BAIAP2L2: variants seen among roughly 807,000 people sequenced by gnomAD.
BAIAP2L2 encodes BAR/IMD domain containing adaptor protein 2 like 2.
Under a neutral mutation model 60.4 loss-of-function variants are expected in BAIAP2L2, and 65 were observed. The observed-to-expected ratio is 1.08, with a 90% confidence interval of 0.88 to 1.32. BAIAP2L2 has a LOEUF of 1.32. Ranked by LOEUF, BAIAP2L2 falls within the 40% of genes most tolerant of loss-of-function variation. BAIAP2L2 has a pLI of 0.00. For missense variants in BAIAP2L2, 836 were observed against 741.2 expected (o/e 1.13, Z -1.48); for synonymous variants, 344 against 301.7 (o/e 1.14, Z -1.45).
rs2145947194 is a variant in BAIAP2L2, at chr22:38,089,205, G to A, written c.792C>T (p.Ser264=). The change falls in exon 9 of 14, where the codon AGC becomes AGT. Residue 264 remains serine (S), a synonymous_variant. Transcript: ENST00000381669. ...CGGAGCCGTGCCGGCTGCGGGGGGA[G>A]CTGAACTCTCCCAGGGGCCTCGGGG... ...DMPPRPLGEF[S]SPRSRHGSGS... The A allele has an allele frequency of 8.2e-7, 1 of 1,213,262 alleles. No homozygotes were observed. Among genetic ancestry groups the A allele is most frequent in the Non-Finnish European group, 1.0e-6 (1 of 973,164 alleles). 75.2% of individuals were successfully genotyped at this position (1,213,262 alleles called of 1,614,324 possible). A position where few individuals can be genotyped will look rare whatever the true frequency, so the allele number is the denominator to read the frequency against.
intron 8 of BAIAP2L2, 50 bp downstream of exon 8, chr22:38,089,472 G>A (rs1162056858): frequency 1.1e-5 from 12 of 1,103,976 alleles, no homozygotes; most frequent in Middle Eastern, 3.6e-4. Context: ...CCGGGCCCCC[G>A]CGGGGGGCGG....
chr22:38,094,711 G>T (rs1009017254), intron 7 of BAIAP2L2, among the ~76,000 whole-genome samples: 5 of 152,192 alleles, frequency 3.3e-5, no homozygotes, highest in African/African-American at 1.2e-4. Flanking sequence ...TGAGCCTGGG[G>T]CCGGGTGAGG....
At chr22:38,098,035 GC>G in intron 6 of BAIAP2L2, 27 bp downstream of exon 6, 10 of 977,988 alleles carry the variant, frequency 1.0e-5, no homozygotes, top group Non-Finnish European at 1.4e-5. Flanking sequence ...GCCCTTCCTG[GC>G]CCACCCCCGC....
chr22:38,087,123 C>T lies in BAIAP2L2; in HGVS notation c.1259+1G>A, dbSNP rs1417020063. 3.8e-6 allele frequency: 6 copies of T among 1,566,792 alleles called. No homozygotes were observed. The highest frequency in any genetic ancestry group is 2.0e-5 in the Admixed American group (1 of 50,220). Reference sequence around the variant, plus strand: ...CGCCCCACCCCTGATGACTCAGGTACCTGGAAGGCAGCTCGTTCCCGGGGT... The same window carrying T: ...CGCCCCACCCCTGATGACTCAGGTATCTGGAAGGCAGCTCGTTCCCGGGGT... On this transcript the variant is annotated splice_donor_variant, in intron 11 of 13. Transcript: ENST00000381669. LOFTEE classifies it high-confidence loss of function.
intron 1 of BAIAP2L2, among the ~76,000 whole-genome samples, chr22:38,110,142 AGAGAGAGG>A (rs1569234543): frequency 1.0e-5 from 1 of 100,392 alleles, no homozygotes; most frequent in Non-Finnish European, 1.8e-5. Flanking sequence ...AGAGAGAGAG[AGAGAGAGG>A]GAGAGACAGA....
intron 4 of BAIAP2L2, among the ~76,000 whole-genome samples, chr22:38,098,852 C>T (rs1431761850): frequency 6.6e-6 from 1 of 152,202 alleles, no homozygotes; most frequent in Non-Finnish European, 1.5e-5. Flanking sequence ...CAAGCAGAAT[C>T]CATTGCTCCC....
chr22:38,085,755 C>A, intron 12 of BAIAP2L2, 23 bp from the exon 13 acceptor site: 1 of 1,582,412 alleles, frequency 6.3e-7, no homozygotes, highest in South Asian at 1.2e-5. Flanking sequence ...TGGGGAAGGG[C>A]TGGTTTGGTG....
chr22:38,095,603 G>A (rs2086409850), intron 7 of BAIAP2L2, among the ~76,000 whole-genome samples: 2 of 152,118 alleles, frequency 1.3e-5, no homozygotes, highest in African/African-American at 2.4e-5. Flanking sequence ...GACCTCAAGC[G>A]ATCCACCCAC....
At position 38,101,385 on chromosome 22, in the gene BAIAP2L2, A is replaced by C. The variant is rs1200706316; in HGVS notation, c.277-2903T>G. ...CTGTCTCTACATAAAAAAAAAAAAA[A>C]AAAAAAAAAAAAAAAGCCAGACGTG... On this transcript the variant is annotated intron_variant, in intron 4 of 13. Coordinates refer to ENST00000381669, the MANE Select transcript of BAIAP2L2 (RefSeq NM_025045.6). 8.7e-3 allele frequency among the ~76,000 whole-genome samples: 411 copies of C among 47,020 alleles called. 5 individuals carry two copies. The highest frequency in any genetic ancestry group is 0.022 in the African/African-American group (370 of 17,190). 30.8% of individuals were successfully genotyped at this position (47,020 alleles called of 152,430 possible).
In BAIAP2L2 at chr22:38,087,173, A is replaced by AGGTCATGGAGGTCATGGG; in HGVS notation, c.1192_1209dup (p.Pro398_Thr403dup). On this transcript the variant is annotated inframe_insertion, in exon 11 of 14. Coordinates refer to ENST00000381669, the MANE Select transcript of BAIAP2L2 (RefSeq NM_025045.6). ...TTCATGGGTGTCATGGGGGACATGG[A>AGGTCATGGAGGTCATGGG]GGTCATGGAGGTCATGGGGGTCACG... 9.8e-7 allele frequency: 1 copy of AGGTCATGGAGGTCATGGG among 1,016,350 alleles called. No homozygotes were observed. Among genetic ancestry groups the AGGTCATGGAGGTCATGGG allele is most frequent in the Non-Finnish European group, 1.4e-6 (1 of 705,974 alleles). The allele number at this position is 1,016,350 out of a possible 1,614,324, so 63.0% of individuals were successfully genotyped here. A position where few individuals can be genotyped will look rare whatever the true frequency, so the allele number is the denominator to read the frequency against.
At chr22:38,088,711 TCAACCCA>T in intron 10 of BAIAP2L2, 30 bp downstream of exon 10, 7 of 1,543,346 alleles carry the variant, frequency 4.5e-6, no homozygotes, top group Non-Finnish European at 5.2e-6. Context: ...GGCCTTCTTC[TCAACCCA>T]CCCCCGGCCC....
intron 9 of BAIAP2L2, 32 bp from the exon 10 acceptor site, chr22:38,088,996 C>A: frequency 6.8e-7 from 1 of 1,474,126 alleles, no homozygotes; most frequent in Admixed American, 2.2e-5. Context: ...GGCACGTGGG[C>A]AGGAAGTTCT....
intron 4 of BAIAP2L2, among the ~76,000 whole-genome samples, chr22:38,101,032 C>T (rs765511187): frequency 8.5e-5 from 13 of 152,140 alleles, no homozygotes; most frequent in Non-Finnish European, 1.6e-4. Flanking sequence ...TCCTGTTTAA[C>T]ATGGTGGCCA....
Position 38,110,508 on chromosome 22 carries a change from G to C in BAIAP2L2, c.18C>G (p.Asp6Glu), listed in dbSNP as rs1414921372. 1 of 1,611,616 alleles carries C rather than the reference G, an allele frequency of 6.2e-7. No individual in the cohort carries two copies. Among genetic ancestry groups the C allele is most frequent in the Admixed American group, 1.7e-5 (1 of 59,848 alleles). Residue 6 changes from aspartate to glutamate, a missense_variant, in exon 1 of 14, where the codon GAC (aspartate) becomes GAG (glutamate). Transcript: ENST00000381669. MAPEM[D>E]QFYRSTMAIY... ...TGGCCATGGTGGACCTGTAGAACTGGTCCATCTCGGGGGCCATGGAGGGGC... is the reference window on the plus strand; with the variant it reads ...TGGCCATGGTGGACCTGTAGAACTGCTCCATCTCGGGGGCCATGGAGGGGC...
intron 1 of BAIAP2L2, 55 bp from the exon 2 acceptor site, chr22:38,109,263 A>G: frequency 7.1e-7 from 1 of 1,416,382 alleles, no homozygotes; most frequent in South Asian, 1.2e-5. Flanking sequence ...AGCGAGAAGG[A>G]ACCACGGATG....
chr22:38,110,948 G>A (rs1035559596), upstream of BAIAP2L2, among the ~76,000 whole-genome samples: 12 of 152,128 alleles, frequency 7.9e-5, no homozygotes, highest in Non-Finnish European at 1.3e-4. Context: ...GGCGCTGCCC[G>A]ATGCCCTCCC....
chr22:38,093,941 C>T (rs367757405), intron 7 of BAIAP2L2: 1 of 456,626 alleles, frequency 2.2e-6, no homozygotes, highest in East Asian at 6.9e-5. Context: ...TGGAAACAAC[C>T]AGGCGTCCAT....
At chr22:38,087,745 C>T (rs2086139767) in intron 10 of BAIAP2L2, among the ~76,000 whole-genome samples, 1 of 151,758 alleles carries the variant, frequency 6.6e-6, no homozygotes, top group African/African-American at 2.4e-5. Flanking sequence ...ATCACCTATC[C>T]CCCACTCACC....
chr22:38,098,283 A>G, intron 5 of BAIAP2L2, 104 bp from the exon 6 acceptor site: 2 of 1,467,054 alleles, frequency 1.4e-6, no homozygotes, highest in Non-Finnish European at 1.9e-6. Flanking sequence ...CTTGGGGCTC[A>G]GCTGGGAACA....
Sources: gnomAD v4.1 joint callset for allele counts (sites outside exome capture counted in the v4.1 genomes callset) on GRCh38, gnomAD v4.1.1 for gene constraint, MANE v1.5 for transcripts, NCBI Gene and HGNC (gene_info 2026-07-23, HGNC 2026-07-21) for gene names.